Variants in EPN2 observed in about 807,000 individuals in gnomAD.
EPN2 encodes epsin 2, also known as epsin-2.
In EPN2, 34 loss-of-function variants were observed where a neutral mutation model predicts 61.7. That is an observed-to-expected ratio of 0.55 (90% CI 0.42 to 0.73). The LOEUF is 0.73. Ranked by LOEUF, EPN2 falls within the 30% of genes least tolerant of loss-of-function variation. The pLI, the probability that EPN2 is intolerant of heterozygous loss-of-function variation, is 0.00. For missense variants in EPN2, 714 were observed against 839.2 expected (o/e 0.85, Z 1.84); for synonymous variants, 349 against 353.6 (o/e 0.99, Z 0.15).
chr17:19,254,563 AAAACAG>A (rs2045053273), intron 1 of EPN2, among the ~76,000 whole-genome samples: 1 of 152,060 alleles, frequency 6.6e-6, no homozygotes, highest in Non-Finnish European at 1.5e-5. Context: ...AACAAAAACA[AAAACAG>A]AAAACTGTAC....
chr17:19,271,170 G>T (rs1016381913), intron 1 of EPN2, among the ~76,000 whole-genome samples: 1 of 152,102 alleles, frequency 6.6e-6, no homozygotes, highest in Admixed American at 6.6e-5. Flanking sequence ...GGGGTGGTGT[G>T]GGGGCAGGAG....
chr17:19,292,512 G>A (rs1337487102), intron 4 of EPN2, among the ~76,000 whole-genome samples: 2 of 152,232 alleles, frequency 1.3e-5, no homozygotes, highest in South Asian at 2.1e-4. Context: ...GGCTGTCAGC[G>A]TTAGCTTACT....
At chr17:19,271,867 C>G (rs575879297) in intron 1 of EPN2, 1 of 152,362 alleles carries the variant, frequency 6.6e-6, no homozygotes, top group Non-Finnish European at 1.5e-5. Flanking sequence ...CTACTGTGCC[C>G]GAAACCCAAA....
At chr17:19,301,268 G>GTC (rs1905501376) in intron 4 of EPN2, among the ~76,000 whole-genome samples, 1 of 152,158 alleles carries the variant, frequency 6.6e-6, no homozygotes, top group Non-Finnish European at 1.5e-5. Context: ...TCTTGCTCCA[G>GTC]TATGACCTCA....
intron 4 of EPN2, among the ~76,000 whole-genome samples, chr17:19,289,311 C>T (rs2152220176): frequency 6.6e-6 from 1 of 152,106 alleles, no homozygotes; most frequent in East Asian, 1.9e-4. Flanking sequence ...GTCTTGATCT[C>T]CTGACCCCGT....
At chr17:19,279,413 GT>G (rs1379593207) in intron 1 of EPN2, among the ~76,000 whole-genome samples, 1 of 151,888 alleles carries the variant, frequency 6.6e-6, no homozygotes, top group African/African-American at 2.4e-5. Flanking sequence ...CCAGAGCATT[GT>G]TTCTCACTTA....
At chr17:19,300,030 C>A (rs1905402509) in intron 4 of EPN2, among the ~76,000 whole-genome samples, 2 of 152,224 alleles carry the variant, frequency 1.3e-5, no homozygotes, top group Admixed American at 1.3e-4. Flanking sequence ...CGGCTGGAAG[C>A]AGTTGAACGG....
At chr17:19,288,567 C>T (rs897056932) in intron 4 of EPN2, among the ~76,000 whole-genome samples, 1 of 151,998 alleles carries the variant, frequency 6.6e-6, no homozygotes, top group African/African-American at 2.4e-5. Flanking sequence ...TGCAAAGGCC[C>T]TGAGGTGGGA....
At chr17:19,289,751 G>A (rs1323254816) in intron 4 of EPN2, among the ~76,000 whole-genome samples, 6 of 72,450 alleles carry the variant, frequency 8.3e-5, no homozygotes. Context: ...TTTTGAGATG[G>A]AGTCTCACTC....
In EPN2 at chr17:19,332,010, C is replaced by T. The variant is rs771872525; in HGVS notation, c.1569C>T (p.Asp523=). The T allele has an allele frequency of 4.3e-6, 7 of 1,613,768 alleles. No homozygotes were observed. The highest frequency in any genetic ancestry group is 4.0e-5 in the African/African-American group (3 of 74,924). ...LGPNAALVNL[D]SLVTRPAPPA... ...CCAACGCGGCCCTGGTGAACCTGGA[C>T]TCACTGGTGACCAGGCCTGCCCCAC... is the stretch of plus-strand genomic sequence containing the variant. Residue 523 remains aspartate, a synonymous_variant, in exon 10 of 11, where the codon GAC becomes GAT. Transcript: ENST00000314728.
intron 1 of EPN2, among the ~76,000 whole-genome samples, chr17:19,257,166 A>AC (rs1324873188): frequency 6.6e-6 from 1 of 151,054 alleles, no homozygotes; most frequent in African/African-American, 2.4e-5. Context: ...CCTCCAAAAA[A>AC]CCCCCTAGAT....
Position 19,332,081 on chromosome 17 carries a change from C to T in EPN2, c.1627+13C>T, listed in dbSNP as rs1334571415. 2.4e-5 allele frequency: 38 copies of T among 1,593,998 alleles called. No homozygotes were observed. Among genetic ancestry groups the T allele is most frequent in the Non-Finnish European group, 3.2e-5 (38 of 1,169,924 alleles). On this transcript the variant is annotated intron_variant, in intron 10 of 10. Coordinates refer to ENST00000314728, the MANE Select transcript of EPN2 (RefSeq NM_014964.5). ...TTCCTGGCACCAGGTAGGCTCTCAT[C>T]CCAGGCTTCATCCATTGCCTGCTGT... is the stretch of plus-strand genomic sequence containing the variant.
chr17:19,287,319 G>A (rs1403627872), intron 4 of EPN2, among the ~76,000 whole-genome samples: 2 of 152,066 alleles, frequency 1.3e-5, no homozygotes, highest in Admixed American at 1.3e-4. Flanking sequence ...AGCCCTGATA[G>A]GAGTTGAAGA....
At chr17:19,254,672 G>T (rs1422893996) in intron 1 of EPN2, among the ~76,000 whole-genome samples, 1 of 152,130 alleles carries the variant, frequency 6.6e-6, no homozygotes, top group Non-Finnish European at 1.5e-5. Context: ...TAGTCTGATG[G>T]GCAAACCCCA....
At chr17:19,242,133 A>G (rs893684244) in intron 1 of EPN2, among the ~76,000 whole-genome samples, 2 of 56,650 alleles carry the variant, frequency 3.5e-5, no homozygotes, top group African/African-American at 6.3e-4. Flanking sequence ...GTTTGATCTG[A>G]AAAAAAAAAA....
intron 7 of EPN2, among the ~76,000 whole-genome samples, chr17:19,323,125 G>C (rs541992917): frequency 2.6e-5 from 4 of 152,336 alleles, no homozygotes; most frequent in African/African-American, 9.6e-5. Flanking sequence ...CAGGGCTGAA[G>C]GTAGCCCTCA....
chr17:19,309,380 C>T (rs559017148), intron 4 of EPN2, among the ~76,000 whole-genome samples: 2 of 152,310 alleles, frequency 1.3e-5, no homozygotes, highest in African/African-American at 2.4e-5. Context: ...CCGCCCGCCT[C>T]GGCCTCCCAA....
chr17:19,321,361 A>C (rs1157902403), intron 7 of EPN2, among the ~76,000 whole-genome samples: 1 of 152,178 alleles, frequency 6.6e-6, no homozygotes, highest in Non-Finnish European at 1.5e-5. Flanking sequence ...AACACAGCCC[A>C]GGGAATAGAG....
chr17:19,267,081 C>T (rs528895890), intron 1 of EPN2, among the ~76,000 whole-genome samples: 6 of 149,690 alleles, frequency 4.0e-5, no homozygotes, highest in East Asian at 4.1e-4. Context: ...CCTTGTGATC[C>T]GCCTGCCTCG....
Sources: gnomAD v4.1 joint callset for allele counts (sites outside exome capture counted in the v4.1 genomes callset) on GRCh38, gnomAD v4.1.1 for gene constraint, MANE v1.5 for transcripts, NCBI Gene and HGNC (gene_info 2026-07-23, HGNC 2026-07-21) for gene names.